Variants in ADAMTSL3 observed in about 807,000 individuals in gnomAD.
ADAMTSL3 encodes the protein ADAMTS like 3, also known as ADAMTS-like protein 3.
ADAMTSL3 carries 128 observed loss-of-function variants against 201.7 expected under a neutral mutation model. The observed-to-expected ratio is 0.63, with a 90% CI of 0.55 to 0.73. ADAMTSL3 has a LOEUF of 0.73. Among genes scored for constraint, ADAMTSL3 ranks in the 30% least tolerant of loss-of-function variants. The pLI, the probability that ADAMTSL3 is intolerant of heterozygous loss-of-function variation, is 0.00. For missense variants in ADAMTSL3, 1,990 were observed against 2,119.6 expected (o/e 0.94, Z 1.20); for synonymous variants, 738 against 748.4 (o/e 0.99, Z 0.23).
intron 6 of ADAMTSL3, among the ~76,000 whole-genome samples, chr15:83,835,213 G>A (rs1237722050): frequency 3.4e-5 from 5 of 146,338 alleles, no homozygotes; most frequent in African/African-American, 7.7e-5. Context: ...CAGCTTGGGC[G>A]GCAGAGCAAG....
At chr15:83,852,202 T>C (rs2064631368) in intron 7 of ADAMTSL3, among the ~76,000 whole-genome samples, 1 of 151,142 alleles carries the variant, frequency 6.6e-6, no homozygotes, top group Non-Finnish European at 1.5e-5. Flanking sequence ...GACCCCCGCC[T>C]CCTGGGTTCA....
intron 6 of ADAMTSL3, among the ~76,000 whole-genome samples, chr15:83,836,469 C>T (rs1205191077): frequency 6.6e-6 from 1 of 152,138 alleles, no homozygotes; most frequent in African/African-American, 2.4e-5. Context: ...TTCTCTTTCC[C>T]TTCAACACCA....
intron 9 of ADAMTSL3, among the ~76,000 whole-genome samples, chr15:83,875,731 C>CGA (rs1302378467): frequency 1.3e-5 from 2 of 151,972 alleles, no homozygotes; most frequent in African/African-American, 2.4e-5. Context: ...TGCAGTGAGC[C>CGA]GAGATTGCAC....
chr15:83,894,096 G>T (rs1407648982), intron 13 of ADAMTSL3, among the ~76,000 whole-genome samples: 8 of 152,140 alleles, frequency 5.3e-5, no homozygotes, highest in Admixed American at 5.2e-4. Flanking sequence ...TGCATGAGTA[G>T]TGTCATGTGC....
chr15:83,923,821 G>A, intron 16 of ADAMTSL3, 83 bp from the exon 17 acceptor site: 4 of 1,514,386 alleles, frequency 2.6e-6, no homozygotes, highest in Non-Finnish European at 3.6e-6. Flanking sequence ...TGCTAAGAAT[G>A]AGAAGACCTA....
intron 2 of ADAMTSL3, among the ~76,000 whole-genome samples, chr15:83,695,227 AATGTGTGTGTGTGTGTGTGTGTGTGTGTG>A (rs2061668125): frequency 2.1e-3 from 1 of 472 alleles, no homozygotes; most frequent in Non-Finnish European, 4.1e-3. Context: ...GTGTGTGTGT[AATGTGTGTGTGTGTGTGTGTGTGTGTGTG>A]TGTGTGGTGG....
chr15:83,695,420 C>G (rs1041669069), intron 2 of ADAMTSL3, among the ~76,000 whole-genome samples: 4 of 151,812 alleles, frequency 2.6e-5, no homozygotes, highest in Non-Finnish European at 5.9e-5. Flanking sequence ...CGGGAAGGAG[C>G]CTGTCCATGT....
rs1449942539 is a variant in ADAMTSL3, at chr15:83,873,358, C to A, written c.960+2399C>A. 2.8e-5 allele frequency among the ~76,000 whole-genome samples: 4 copies of A among 145,056 alleles called. 1 individual carries two copies. The highest frequency in any genetic ancestry group is 1.1e-4 in the African/African-American group (4 of 37,900). ...TAAAAAGTAAATGGAAGAATGAATTCTTTTGAAGTGGCCAAGTCAAGTAGT... is the reference window on the plus strand; with the variant it reads ...TAAAAAGTAAATGGAAGAATGAATTATTTTGAAGTGGCCAAGTCAAGTAGT... On this transcript the variant is annotated intron_variant, in intron 9 of 29. Transcript: ENST00000286744.
chr15:83,742,432 A>G (rs553432535), intron 3 of ADAMTSL3, among the ~76,000 whole-genome samples: 1 of 152,282 alleles, frequency 6.6e-6, no homozygotes, highest in Admixed American at 6.5e-5. Flanking sequence ...AATATACCTA[A>G]AGGAATTCAG....
chr15:83,897,929 TG>T lies in ADAMTSL3; in HGVS notation c.1544del (p.Gly515AlafsTer6). On this transcript the variant is annotated frameshift_variant, in exon 14 of 30. Transcript: ENST00000286744. LOFTEE classifies it high-confidence loss of function. ...LCINHRGEHV[G>X]GCNPQLKLHI... ...GTATTAACCACCGCGGAGAGCATGT[TG>T]GGGGCTGCAATCCACAACTGAAGTT... 3 of 1,613,950 alleles carry T rather than the reference TG, an allele frequency of 1.9e-6. No individual in the cohort carries two copies. Among genetic ancestry groups the T allele is most frequent in the Non-Finnish European group, 2.5e-6 (3 of 1,179,870 alleles).
intron 21 of ADAMTSL3, 53 bp downstream of exon 21, chr15:83,983,397 A>G: frequency 8.2e-7 from 1 of 1,218,720 alleles, no homozygotes; most frequent in East Asian, 2.6e-5. Context: ...CTTAATGGCT[A>G]TTCCAGTTTT....
At chr15:83,705,162 A>G (rs1465683752) in intron 3 of ADAMTSL3, among the ~76,000 whole-genome samples, 1 of 152,206 alleles carries the variant, frequency 6.6e-6, no homozygotes, top group East Asian at 1.9e-4. Flanking sequence ...ACTTGGTGAA[A>G]CAGAGAGTTT....
intron 4 of ADAMTSL3, among the ~76,000 whole-genome samples, chr15:83,802,122 G>T (rs1345649849): frequency 6.6e-6 from 1 of 152,068 alleles, no homozygotes; most frequent in African/African-American, 2.4e-5. Context: ...TTTCCTGTAT[G>T]AAATGCAAAG....
intron 4 of ADAMTSL3, among the ~76,000 whole-genome samples, chr15:83,791,703 A>T (rs965703900): frequency 6.6e-6 from 1 of 152,042 alleles, no homozygotes; most frequent in Non-Finnish European, 1.5e-5. Context: ...CTAAAAGAAT[A>T]CAAAAAAATT....
chr15:83,989,633 A>G (rs1482017883), intron 22 of ADAMTSL3, among the ~76,000 whole-genome samples: 4 of 152,252 alleles, frequency 2.6e-5, no homozygotes, highest in African/African-American at 9.6e-5. Context: ...TGTCATTTGG[A>G]TATTAAAATA....
chr15:83,737,838 A>G (rs957236013), intron 3 of ADAMTSL3, among the ~76,000 whole-genome samples: 1 of 152,220 alleles, frequency 6.6e-6, no homozygotes, highest in Admixed American at 6.5e-5. Context: ...CACTCATATT[A>G]CAAAAAGCAA....
intron 3 of ADAMTSL3, among the ~76,000 whole-genome samples, chr15:83,772,100 C>T (rs1045093834): frequency 6.6e-6 from 1 of 152,148 alleles, no homozygotes; most frequent in Non-Finnish European, 1.5e-5. Context: ...GAAATCTACC[C>T]ACCTTGGCCT....
At chr15:84,017,524 T>C (rs763179018) in intron 25 of ADAMTSL3, among the ~76,000 whole-genome samples, 2 of 152,190 alleles carry the variant, frequency 1.3e-5, no homozygotes, top group African/African-American at 4.8e-5. Context: ...ATTTGCATAA[T>C]GTATCATGCA....
At chr15:83,940,982 T>G (rs1363961588) in intron 17 of ADAMTSL3, among the ~76,000 whole-genome samples, 1 of 152,126 alleles carries the variant, frequency 6.6e-6, no homozygotes, top group Non-Finnish European at 1.5e-5. Flanking sequence ...ACCCATATTT[T>G]CAAATATATT....
Sources: allele counts gnomAD v4.1 joint callset (sites outside exome capture counted in the v4.1 genomes callset), GRCh38; gene constraint gnomAD v4.1.1; transcripts MANE v1.5; gene names NCBI Gene and HGNC (gene_info 2026-07-23, HGNC 2026-07-21).